SIPA1L3: variants seen among roughly 807,000 people sequenced by gnomAD.
The protein encoded by SIPA1L3 is signal-induced proliferation-associated 1-like protein 3.
Under a neutral mutation model 150.1 loss-of-function variants are expected in SIPA1L3, and 59 were observed. The ratio of observed to expected loss-of-function variants is 0.39; its 90% CI spans 0.32 to 0.49. SIPA1L3 has a LOEUF of 0.49. Among genes scored for constraint, SIPA1L3 ranks in the 20% least tolerant of loss-of-function variants. SIPA1L3 has a pLI of 0.86. For synonymous variants in SIPA1L3, 1,070 were observed against 1,077.6 expected (o/e 0.99, Z 0.14); for missense variants, 2,211 against 2,489.5 (o/e 0.89, Z 2.38).
Position 38,081,718 on chromosome 19 carries a change from C to T in SIPA1L3, c.153C>T (p.Gly51=), listed in dbSNP as rs201480085. The change falls in exon 3 of 22, where the codon GGC becomes GGT. Residue 51 remains glycine (G), a synonymous_variant. Coordinates refer to ENST00000222345, the MANE Select transcript of SIPA1L3 (RefSeq NM_015073.3). ...AQNGSMSQPL[G]ESPATATATA... is the part of the protein sequence containing the mutation. ...ATGGCAGCATGTCCCAGCCTCTTGGCGAGAGCCCGGCCACCGCCACCGCCA... is the reference window on the plus strand; with the variant it reads ...ATGGCAGCATGTCCCAGCCTCTTGGTGAGAGCCCGGCCACCGCCACCGCCA... 50 of 1,606,552 alleles carry T rather than the reference C, an allele frequency of 3.1e-5. No individual in the cohort carries two copies. In the African/African-American group the frequency reaches 5.9e-4, roughly 19 times the overall value.
chr19:38,164,452 G>A lies in SIPA1L3; in HGVS notation c.3781-27G>A. ...GATGCGCCCCTGCCCTGGAGTCTGGGAATGACACGCTTCTCTTGCCTCTCA... is the reference window on the plus strand; with the variant it reads ...GATGCGCCCCTGCCCTGGAGTCTGGAAATGACACGCTTCTCTTGCCTCTCA... On this transcript the variant is annotated intron_variant, in intron 14 of 21. Transcript: ENST00000222345. The surrounding 1 kb of genome is among the most constrained non-coding windows in gnomAD (Gnocchi z 4.1). The A allele has an allele frequency of 6.3e-7, 1 of 1,575,736 alleles. No homozygotes were observed.
At chr19:37,934,139 G>T (rs1215204937) in intron 1 of SIPA1L3, among the ~76,000 whole-genome samples, 1 of 152,140 alleles carries the variant, frequency 6.6e-6, no homozygotes, top group African/African-American at 2.4e-5. Flanking sequence ...CTAGCTCCCG[G>T]TGTCAGCAAT....
intron 4 of SIPA1L3, among the ~76,000 whole-genome samples, chr19:38,093,666 AG>A (rs3833271): frequency 0.31 from 46,527 of 152,024 alleles, 8,061 homozygotes; most frequent in East Asian, 0.61. Flanking sequence ...ACCAGGGCAT[AG>A]GGGCCAGAGC....
At chr19:38,004,211 A>C (rs1436384989) in intron 1 of SIPA1L3, among the ~76,000 whole-genome samples, 1 of 152,218 alleles carries the variant, frequency 6.6e-6, no homozygotes, top group East Asian at 1.9e-4. Flanking sequence ...GGCGGTGGGC[A>C]AGTTCGGCAA....
chr19:38,193,490 A>G lies in SIPA1L3; in HGVS notation c.4597-47A>G, dbSNP rs548595302. The G allele has an allele frequency of 9.9e-6, 14 of 1,419,144 alleles. No individual in the cohort carries two copies. In the Admixed American group the frequency reaches 2.6e-4, roughly 27 times the overall value. 87.9% of individuals were successfully genotyped at this position (1,419,144 alleles called of 1,614,324 possible). ...GAAGATGCCTCTGAGGACCCTGGCT[A>G]TGAGCCAGTCTGTGACCTCCCCCAA... On this transcript the variant is annotated intron_variant, in intron 17 of 21. Coordinates refer to ENST00000222345, the MANE Select transcript of SIPA1L3 (RefSeq NM_015073.3).
chr19:38,041,273 A>ATTTTTTTTTTTTT (rs35807588), intron 2 of SIPA1L3, among the ~76,000 whole-genome samples: 1 of 72,520 alleles, frequency 1.4e-5, no homozygotes, highest in Non-Finnish European at 2.4e-5. Flanking sequence ...CGCTCAGCTA[A>ATTTTTTTTTTTTT]TTTTTTTTTT....
chr19:38,161,042 T>A (rs1434718387), intron 13 of SIPA1L3, among the ~76,000 whole-genome samples: 1 of 152,098 alleles, frequency 6.6e-6, no homozygotes, highest in Non-Finnish European at 1.5e-5. Flanking sequence ...ATTCCATTTT[T>A]GTTTTTTAAA....
intron 2 of SIPA1L3, among the ~76,000 whole-genome samples, chr19:38,036,677 G>A (rs1053828592): frequency 3.9e-5 from 6 of 152,194 alleles, no homozygotes; most frequent in Non-Finnish European, 5.9e-5. Context: ...TCTGATGGGC[G>A]AGTTTCTGCT....
In SIPA1L3 at chr19:38,082,681, T is replaced by TTCGGCCGCTTCCGCCGCC. The variant is rs767708244; in HGVS notation, c.1123_1140dup (p.Ala375_Ala380dup). 1.6e-4 allele frequency: 265 copies of TTCGGCCGCTTCCGCCGCC among 1,608,788 alleles called. No homozygotes were observed. Among genetic ancestry groups the TTCGGCCGCTTCCGCCGCC allele is most frequent in the Middle Eastern group, 4.9e-4 (3 of 6,080 alleles). Reference sequence around the variant, plus strand: ...AGCGGCGGAACACCACCACGGGTGCTTCGGCCGCTTCCGCCGCCTCGGCCA... The same window carrying TTCGGCCGCTTCCGCCGCC: ...AGCGGCGGAACACCACCACGGGTGCTTCGGCCGCTTCCGCCGCCTCGGCCGCTTCCGCCGCCTCGGCCA... On this transcript the variant is annotated inframe_insertion, in exon 3 of 22. Coordinates refer to ENST00000222345, the MANE Select transcript of SIPA1L3 (RefSeq NM_015073.3).
chr19:38,071,176 C>G (rs1009974248), intron 2 of SIPA1L3, among the ~76,000 whole-genome samples: 3 of 152,108 alleles, frequency 2.0e-5, no homozygotes, highest in African/African-American at 7.2e-5. Context: ...TGTCATCCAT[C>G]CAGTCATTTA....
intron 8 of SIPA1L3, 31 bp from the exon 9 acceptor site, chr19:38,119,275 C>A: frequency 6.4e-7 from 1 of 1,573,046 alleles, no homozygotes. Flanking sequence ...TGCCTTTCTT[C>A]CCACCATCTA....
intron 15 of SIPA1L3, 53 bp from the exon 16 acceptor site, chr19:38,182,466 C>A: frequency 7.3e-7 from 1 of 1,372,138 alleles, no homozygotes; most frequent in Non-Finnish European, 1.0e-6. Flanking sequence ...CTCTGTCTTG[C>A]CAAATGTGGA....
chr19:38,088,287 T>C (rs1365608512), intron 3 of SIPA1L3, among the ~76,000 whole-genome samples: 1 of 152,218 alleles, frequency 6.6e-6, no homozygotes, highest in Non-Finnish European at 1.5e-5. Flanking sequence ...CTCTCTAGAA[T>C]CTTTCTTAAC....
At chr19:37,914,046 A>T (rs957284496) in intron 1 of SIPA1L3, among the ~76,000 whole-genome samples, 1 of 133,976 alleles carries the variant, frequency 7.5e-6, no homozygotes, top group Non-Finnish European at 1.6e-5. Flanking sequence ...AAAAAAAAAA[A>T]TCCTGATCCT....
rs999225113 is a variant in SIPA1L3, at chr19:38,164,527, A to G, written c.3829A>G (p.Asn1277Asp). The part of the protein sequence containing the change: ...SHSSSNTLSS[N>D]ASSSHSDDRW... ...TTCCAGCAGCAACACCCTCTCCAGCAACGCATCCAGCAGCCACAGCGACGA... is the reference window on the plus strand; with the variant it reads ...TTCCAGCAGCAACACCCTCTCCAGCGACGCATCCAGCAGCCACAGCGACGA... The change falls in exon 15 of 22, where the codon AAC becomes GAC. Residue 1277 changes from asparagine (N) to aspartate (D), a missense_variant. By Grantham distance (23) the Asn-to-Asp change is conservative. This residue lies in a region of SIPA1L3 where 806 missense variants were observed against 870.1 expected (regional missense o/e 0.93). Coordinates refer to ENST00000222345, the MANE Select transcript of SIPA1L3 (RefSeq NM_015073.3). The surrounding 1 kb of genome is among the most constrained non-coding windows in gnomAD (Gnocchi z 4.1). 3 of 1,613,790 alleles carry G rather than the reference A, an allele frequency of 1.9e-6. No individual in the cohort carries two copies. Among genetic ancestry groups the G allele is most frequent in the Non-Finnish European group, 2.5e-6 (3 of 1,179,858 alleles).
At chr19:37,929,478 A>G (rs1043787657) in intron 1 of SIPA1L3, among the ~76,000 whole-genome samples, 4 of 152,222 alleles carry the variant, frequency 2.6e-5, no homozygotes, top group Non-Finnish European at 4.4e-5. Flanking sequence ...AACTGTGCAC[A>G]AAGTCCCAGT....
intron 15 of SIPA1L3, among the ~76,000 whole-genome samples, chr19:38,166,329 C>A (rs544156584): frequency 2.6e-5 from 4 of 151,698 alleles, no homozygotes; most frequent in African/African-American, 9.7e-5. Context: ...TGGTAGTGGG[C>A]GCCTGTAGTC....
chr19:38,114,611 T>C (rs549743588), intron 8 of SIPA1L3, among the ~76,000 whole-genome samples: 1 of 152,316 alleles, frequency 6.6e-6, no homozygotes, highest in African/African-American at 2.4e-5. Context: ...GTGGCATTCT[T>C]TGAAGCATGT....
chr19:38,041,768 G>T (rs1404571053), intron 2 of SIPA1L3, among the ~76,000 whole-genome samples: 1 of 151,548 alleles, frequency 6.6e-6, no homozygotes, highest in East Asian at 1.9e-4. Context: ...ATAGAGACAG[G>T]TCTCACTATG....
Sources: allele counts gnomAD v4.1 joint callset (sites outside exome capture counted in the v4.1 genomes callset), GRCh38; gene constraint gnomAD v4.1.1; regional missense constraint gnomAD v4.1.1; non-coding constraint Gnocchi (gnomAD v3.1); transcripts MANE v1.5; gene names NCBI Gene and HGNC (gene_info 2026-07-23, HGNC 2026-07-21).